The following PAK6 variants were observed in gnomAD, a reference collection of about 807,000 sequenced individuals.
PAK6 encodes p21 (RAC1) activated kinase 6, also known as serine/threonine-protein kinase PAK 6.
A neutral mutation model predicts 60.8 loss-of-function variants in PAK6; 33 were observed. That is an observed-to-expected ratio of 0.54 (90% CI 0.41 to 0.73). PAK6 has a LOEUF of 0.73. PAK6 is among the 30% of genes least tolerant of loss of function. The pLI, the probability that PAK6 is intolerant of heterozygous loss-of-function variation, is 0.00. For synonymous variants in PAK6, 404 were observed against 378.5 expected (o/e 1.07, Z -0.78); for missense variants, 845 against 904.1 (o/e 0.93, Z 0.84).
intron 9 of PAK6, 22 bp downstream of exon 9, chr15:40,273,698 C>G (rs374371997): frequency 3.7e-6 from 6 of 1,608,712 alleles, no homozygotes; most frequent in Non-Finnish European, 4.2e-6. Flanking sequence ...CTCCACCCCC[C>G]AGACCTCCCA....
At chr15:40,276,789 T>TGTGTGTGTGTGTGTGTGTGTG (rs67205800) in exon 11 of PAK6, 1 of 146,162 alleles carries the variant, frequency 6.8e-6, no homozygotes, top group Non-Finnish European at 1.5e-5. Context: ...TGTGTGTGTG[T>TGTGTGTGTGTGTGTGTGTGTG]AAGGGGAGGA....
rs1448905930 is a variant in PAK6, at chr15:40,275,280, G to GTTTTCTTTTTTTTTT, written c.1879-643_1879-642insCTTTTTTTTTTTTTT. 1.8e-4 allele frequency among the ~76,000 whole-genome samples: 10 copies of GTTTTCTTTTTTTTTT among 56,512 alleles called. 1 individual carries two copies. Among genetic ancestry groups the GTTTTCTTTTTTTTTT allele is most frequent in the South Asian group, 6.8e-4 (1 of 1,476 alleles). 37.1% of individuals were successfully genotyped at this position (56,512 alleles called of 152,430 possible). A position where few individuals can be genotyped will look rare whatever the true frequency, so the allele number is the denominator to read the frequency against. ...GACTTGTTTGTTTCTGTTGTTGTTG[G>GTTTTCTTTTTTTTTT]TTTTTTTTTTTTTTTTTTTTTTGGA... On this transcript the variant is annotated intron_variant, in intron 10 of 10. Coordinates refer to ENST00000560346, the Ensembl canonical transcript of PAK6.
chr15:40,265,085 A>G (rs928142182), intron 4 of PAK6, 96 bp downstream of exon 4: 4 of 1,055,974 alleles, frequency 3.8e-6, no homozygotes, highest in Middle Eastern at 3.1e-4. Context: ...GGAACCACCT[A>G]CTTCACAGCT....
intron 2 of PAK6, chr15:40,252,703 G>C (rs1415583077): frequency 7.7e-7 from 1 of 1,305,500 alleles, no homozygotes; most frequent in Non-Finnish European, 1.0e-6. Context: ...TGGGTTCCCC[G>C]GCTGCCCCGG....
chr15:40,265,342 G>T (rs924270221), intron 4 of PAK6, among the ~76,000 whole-genome samples: 3 of 152,226 alleles, frequency 2.0e-5, no homozygotes, highest in African/African-American at 7.2e-5. Context: ...CCCAGACCAG[G>T]AGAATTTTAG....
At chr15:40,239,391 C>G (rs2038254013), upstream of PAK6, 1 of 152,422 alleles carries the variant, frequency 6.6e-6, no homozygotes. Context: ...CCGCCTCGAG[C>G]TGTTCTTGCT....
chr15:40,271,678 G>A (rs8034871), intron 5 of PAK6, among the ~76,000 whole-genome samples: 128,172 of 152,170 alleles, frequency 0.84, 54,853 homozygotes, highest in East Asian at 0.96. Context: ...TGCAGGCACA[G>A]GCAGGGCTAT....
intron 1 of PAK6, among the ~76,000 whole-genome samples, chr15:40,240,364 T>TCC (rs2038287904): frequency 6.6e-6 from 1 of 151,888 alleles, no homozygotes; most frequent in South Asian, 2.1e-4. Context: ...AAGCCCCTGG[T>TCC]CCCCACAGGG....
At chr15:40,263,984 C>A (rs993958406) in intron 3 of PAK6, 43 of 455,704 alleles carry the variant, frequency 9.4e-5, no homozygotes, top group Non-Finnish European at 1.5e-4. Flanking sequence ...GTGCTCTCTG[C>A]CTTCTCTGGA....
rs1192360955 is a variant in PAK6 at position 40,252,215 on chromosome 15, G to C, written c.-117-963G>C. On this transcript the variant is annotated intron_variant, in intron 2 of 10. Coordinates refer to ENST00000560346, the Ensembl canonical transcript of PAK6. ...ACACGCGGCCCGCTCAGGTCCGGGAGAGTCGGCCCGCGGCTCTGGAGCGTG... is the reference window on the plus strand; with the variant it reads ...ACACGCGGCCCGCTCAGGTCCGGGACAGTCGGCCCGCGGCTCTGGAGCGTG... 1.6e-5 allele frequency: 18 copies of C among 1,160,990 alleles called. No homozygotes were observed. The Admixed American group carries it at 4.8e-4, about 31-fold the overall frequency. 71.9% of individuals were successfully genotyped at this position (1,160,990 alleles called of 1,614,324 possible).
chr15:40,275,280 G>GTTTTTTTTTTTGTTTTTTT (rs1555389201), intron 10 of PAK6, among the ~76,000 whole-genome samples: 1 of 56,488 alleles, frequency 1.8e-5, no homozygotes, highest in East Asian at 6.0e-4. Flanking sequence ...GTTGTTGTTG[G>GTTTTTTTTTTTGTTTTTTT]TTTTTTTTTT....
At chr15:40,252,568 C>G in intron 2 of PAK6, 2 of 1,359,558 alleles carry the variant, frequency 1.5e-6, no homozygotes, top group Non-Finnish European at 2.0e-6. Flanking sequence ...TCAGGTGAAG[C>G]CGGCGCTGCA....
chr15:40,273,147 G>A (rs776995868), intron 7 of PAK6, 148 bp downstream of exon 7: 38 of 1,208,222 alleles, frequency 3.1e-5, no homozygotes, highest in Non-Finnish European at 4.2e-5. Context: ...AGGGGTCTTG[G>A]GAGTGGAGAA....
chr15:40,267,440 G>A (rs544918920), intron 5 of PAK6, among the ~76,000 whole-genome samples: 25 of 152,330 alleles, frequency 1.6e-4, no homozygotes, highest in South Asian at 6.2e-4. Flanking sequence ...GATGGGTCAC[G>A]AGGTCAGGAG....
At chr15:40,272,402 C>A in exon 6 of PAK6, 1 of 1,613,600 alleles carries the variant, frequency 6.2e-7, no homozygotes, top group South Asian at 1.1e-5. Flanking sequence ...CCAGGCCGGT[C>A]TTCCCCAGCG....
intron 2 of PAK6, chr15:40,251,545 G>A (rs1268119100): frequency 2.0e-5 from 3 of 152,506 alleles, no homozygotes; most frequent in African/African-American, 4.8e-5. Context: ...ATTGAAGTCT[G>A]AGGTGCCCAA....
intron 5 of PAK6, 90 bp from the exon 6 acceptor site, chr15:40,272,134 C>G: frequency 7.0e-7 from 1 of 1,433,744 alleles, no homozygotes; most frequent in African/African-American, 1.4e-5. Flanking sequence ...TGCCAGAGTC[C>G]AGAGGTCACG....
At chr15:40,254,149 A>G (rs1397223814) in intron 3 of PAK6, among the ~76,000 whole-genome samples, 3 of 152,190 alleles carry the variant, frequency 2.0e-5, no homozygotes, top group Non-Finnish European at 4.4e-5. Context: ...GACTCCTTAG[A>G]CAAGTTGCTT....
chr15:40,247,523 G>A (rs982864311), intron 2 of PAK6, among the ~76,000 whole-genome samples: 4 of 152,134 alleles, frequency 2.6e-5, no homozygotes, highest in Non-Finnish European at 5.9e-5. Flanking sequence ...GGACTGTCAG[G>A]CAGGTTTAGC....
Sources: allele counts gnomAD v4.1 joint callset (sites outside exome capture counted in the v4.1 genomes callset), GRCh38; gene constraint gnomAD v4.1.1; transcripts MANE v1.5; gene names NCBI Gene and HGNC (gene_info 2026-07-23, HGNC 2026-07-21).